The following RASGEF1C variants were observed in gnomAD, a reference collection of about 807,000 sequenced individuals.
RASGEF1C encodes ras-GEF domain-containing family member 1C.
In RASGEF1C, 27 loss-of-function variants were observed where a neutral mutation model predicts 58.1. The ratio of observed to expected loss-of-function variants is 0.46; its 90% CI spans 0.34 to 0.64. The LOEUF (loss-of-function observed/expected upper bound fraction) is 0.64, where lower values mean the gene tolerates loss of function less well. Among genes scored for constraint, RASGEF1C ranks in the 30% least tolerant of loss-of-function variants. RASGEF1C has a pLI of 0.01. For synonymous variants in RASGEF1C, 243 were observed against 246.3 expected, an observed-to-expected ratio of 0.99 and a Z score of 0.13; for missense variants, 502 against 605.1, an observed-to-expected ratio of 0.83 and a Z score of 1.79.
At chr5:180,180,190 G>C (rs1234658041) in intron 1 of RASGEF1C, among the ~76,000 whole-genome samples, 1 of 152,220 alleles carries the variant, frequency 6.6e-6, no homozygotes, top group African/African-American at 2.4e-5. Context: ...GCCACTCTCA[G>C]TCTGTGGAGG....
intron 1 of RASGEF1C, among the ~76,000 whole-genome samples, chr5:180,189,721 A>G (rs535196151): frequency 6.6e-6 from 1 of 152,102 alleles, no homozygotes; most frequent in East Asian, 2.0e-4. Flanking sequence ...CAAAAGTTTG[A>G]GACCAGCCTG....
At chr5:180,184,773 A>G (rs1756000252) in intron 1 of RASGEF1C, among the ~76,000 whole-genome samples, 3 of 152,228 alleles carry the variant, frequency 2.0e-5, no homozygotes, top group Non-Finnish European at 4.4e-5. Context: ...GATTATCGGA[A>G]TAGATTTCAG....
chr5:180,166,303 G>A (rs1238478781), intron 1 of RASGEF1C, among the ~76,000 whole-genome samples: 1 of 151,932 alleles, frequency 6.6e-6, no homozygotes, highest in Admixed American at 6.6e-5. Flanking sequence ...AATTCAAGAG[G>A]GACAGAGGAG....
rs1767241544 is a variant in RASGEF1C at position 180,177,054 on chromosome 5, GCA to G, written c.-7+31972_-7+31973del. 2.0e-5 allele frequency among the ~76,000 whole-genome samples: 3 copies of G among 152,246 alleles called. No individual in the cohort carries two copies. Among genetic ancestry groups the G allele is most frequent in the African/African-American group, 7.2e-5 (3 of 41,550 alleles). ...GGTCAACCTCCCAGAGGAGAGGGCT[GCA>G]GACGAGGGGTTTCCAAGGGACGGCA... On this transcript the variant is annotated intron_variant, in intron 1 of 13. Coordinates refer to ENST00000361132, the MANE Select transcript of RASGEF1C (RefSeq NM_175062.4). The surrounding 1 kb of genome is among the most constrained non-coding windows in gnomAD (Gnocchi z 5.0).
chr5:180,196,453 A>C (rs1475438125), intron 1 of RASGEF1C, among the ~76,000 whole-genome samples: 1 of 151,338 alleles, frequency 6.6e-6, no homozygotes, highest in Admixed American at 6.6e-5. Context: ...GTGAGCCGAG[A>C]TCACACCATT....
Position 180,101,181 on chromosome 5 carries a change from C to T in RASGEF1C, c.*320G>A, listed in dbSNP as rs1018011575. The T allele has an allele frequency of 1.0e-5, 4 of 395,550 alleles. No individual in the cohort carries two copies. Among genetic ancestry groups the T allele is most frequent in the African/African-American group, 4.0e-5 (2 of 49,484 alleles). The allele number at this position is 395,550 out of a possible 1,614,324, so 24.5% of individuals were successfully genotyped here. On this transcript the variant is annotated 3_prime_UTR_variant, in exon 14 of 14. Coordinates refer to ENST00000361132, the MANE Select transcript of RASGEF1C (RefSeq NM_175062.4). Reference sequence around the variant, plus strand: ...CAAGGTCTCGAGCTTGCAGTGGTCCCACCCTCTGGGGCAGTGTTGTGTCCT... The same window carrying T: ...CAAGGTCTCGAGCTTGCAGTGGTCCTACCCTCTGGGGCAGTGTTGTGTCCT...
chr5:180,163,282 G>A (rs1310910034), intron 1 of RASGEF1C, among the ~76,000 whole-genome samples: 3 of 128,322 alleles, frequency 2.3e-5, no homozygotes, highest in Non-Finnish European at 4.8e-5. Flanking sequence ...AGGACTTCCA[G>A]TAGGATACTG....
intron 1 of RASGEF1C, among the ~76,000 whole-genome samples, chr5:180,183,799 G>A (rs1381409772): frequency 1.3e-5 from 2 of 151,884 alleles, no homozygotes; most frequent in Non-Finnish European, 2.9e-5. Context: ...TCCAGCCTGG[G>A]AAACAAGAGC....
At chr5:180,191,214 T>C (rs560954875) in intron 1 of RASGEF1C, among the ~76,000 whole-genome samples, 2 of 152,322 alleles carry the variant, frequency 1.3e-5, no homozygotes, top group South Asian at 2.1e-4. Context: ...TCAACCACAT[T>C]GGAATAGAAT....
intron 1 of RASGEF1C, among the ~76,000 whole-genome samples, chr5:180,145,320 C>G (rs1192154189): frequency 6.6e-6 from 1 of 152,064 alleles, no homozygotes; most frequent in Non-Finnish European, 1.5e-5. Flanking sequence ...GGGGTTTCAC[C>G]ATGTTGGCCA....
chr5:180,103,357 G>T (rs146245298), intron 12 of RASGEF1C, among the ~76,000 whole-genome samples: 25 of 152,328 alleles, frequency 1.6e-4, no homozygotes, highest in Non-Finnish European at 2.9e-4. Flanking sequence ...GATTACAGGC[G>T]TGAGCCACCG....
rs1352029048 is a variant in RASGEF1C, at chr5:180,209,167, C to T, written c.-146G>A. 6.8e-6 allele frequency: 1 copy of T among 146,838 alleles called. No homozygotes were observed. Among genetic ancestry groups the T allele is most frequent in the Non-Finnish European group, 1.5e-5 (1 of 65,884 alleles). 9.1% of individuals were successfully genotyped at this position (146,838 alleles called of 1,614,324 possible). On this transcript the variant is annotated 5_prime_UTR_variant, in exon 1 of 14. Transcript: ENST00000361132. Reference sequence around the variant, plus strand: ...CGCCGCCGCCCGACCGCCCGGCTCCCAGCGCAGCCCGCACGAGCGCCTGGC... The same window carrying T: ...CGCCGCCGCCCGACCGCCCGGCTCCTAGCGCAGCCCGCACGAGCGCCTGGC...
chr5:180,182,060 C>T (rs896821510), intron 1 of RASGEF1C, among the ~76,000 whole-genome samples: 20 of 151,810 alleles, frequency 1.3e-4, no homozygotes, highest in African/African-American at 4.8e-4. Context: ...AAAAAATTAG[C>T]CGGGCATGGT....
chr5:180,182,205 A>C (rs1250516687), intron 1 of RASGEF1C, among the ~76,000 whole-genome samples: 2 of 71,428 alleles, frequency 2.8e-5, no homozygotes, highest in South Asian at 4.9e-4. Flanking sequence ...ACTCCGTCTC[A>C]AAAAAAAAAA....
At chr5:180,182,201 T>C (rs1767347955) in intron 1 of RASGEF1C, among the ~76,000 whole-genome samples, 1 of 58,916 alleles carries the variant, frequency 1.7e-5, no homozygotes, top group Non-Finnish European at 2.7e-5. Flanking sequence ...CAAGACTCCG[T>C]CTCAAAAAAA....
At chr5:180,190,329 CAAAA>C (rs1756129478) in intron 1 of RASGEF1C, among the ~76,000 whole-genome samples, 1 of 151,098 alleles carries the variant, frequency 6.6e-6, no homozygotes, top group Non-Finnish European at 1.5e-5. Flanking sequence ...CTACTAAAAA[CAAAA>C]CAAAAAATTA....
rs141247696 is a variant in RASGEF1C, at chr5:180,130,348, C to T, written c.439-1738G>A. On this transcript the variant is annotated intron_variant, in intron 4 of 13. Coordinates refer to ENST00000361132, the MANE Select transcript of RASGEF1C (RefSeq NM_175062.4). ...GGAAGGCTGTGTCCAAAACTGTGGTCGGCACACTGCCTCCCAGGGCTTCAT... is the reference window on the plus strand; with the variant it reads ...GGAAGGCTGTGTCCAAAACTGTGGTTGGCACACTGCCTCCCAGGGCTTCAT... Among the ~76,000 whole-genome samples, 853 of 152,270 alleles carry T rather than the reference C, an allele frequency of 5.6e-3. 8 individuals are homozygous for T. Among genetic ancestry groups the T allele is most frequent in the Non-Finnish European group, 7.5e-3 (507 of 68,004 alleles).
chr5:180,152,911 CA>C (rs755521241), intron 1 of RASGEF1C, among the ~76,000 whole-genome samples: 1,689 of 71,696 alleles, frequency 0.024, 10 homozygotes, highest in African/African-American at 0.036. Flanking sequence ...AACCCCATCT[CA>C]AAAAAAAAAA....
In RASGEF1C at chr5:180,174,069, G is replaced by A. The variant is rs542087108; in HGVS notation, c.-7+34959C>T. On this transcript the variant is annotated intron_variant, in intron 1 of 13. Transcript: ENST00000361132. ...GCTGCTGCTCTCGGGGGCTCCTTCCGCCTGGAGACGGTGGGCACCAGAGAA... is the reference window on the plus strand; with the variant it reads ...GCTGCTGCTCTCGGGGGCTCCTTCCACCTGGAGACGGTGGGCACCAGAGAA... Among the ~76,000 whole-genome samples the A allele has an allele frequency of 8.5e-5, 13 of 152,048 alleles. No homozygotes were observed. In the East Asian group the frequency reaches 9.7e-4, roughly 11 times the overall value.
Sources: allele counts gnomAD v4.1 joint callset (sites outside exome capture counted in the v4.1 genomes callset), GRCh38; gene constraint gnomAD v4.1.1; non-coding constraint Gnocchi (gnomAD v3.1); transcripts MANE v1.5; gene names NCBI Gene and HGNC (gene_info 2026-07-23, HGNC 2026-07-21).